STK24: variants seen among roughly 807,000 people sequenced by gnomAD.
The protein encoded by STK24 is serine/threonine-protein kinase 24.
A neutral mutation model predicts 55.6 loss-of-function variants in STK24; 21 were observed. The ratio of observed to expected loss-of-function variants is 0.38; its 90% CI spans 0.27 to 0.54. The LOEUF (loss-of-function observed/expected upper bound fraction) is 0.54. STK24 is among the 20% of genes least tolerant of loss of function. The pLI, the probability that STK24 is intolerant of heterozygous loss-of-function variation, is 0.79. For synonymous variants in STK24, 200 were observed against 215.2 expected (o/e 0.93, Z 0.62); for missense variants, 383 against 538.4 (o/e 0.71, Z 2.86).
intron 1 of STK24, among the ~76,000 whole-genome samples, chr13:98,566,619 G>A (rs906838566): frequency 5.9e-5 from 9 of 152,182 alleles, no homozygotes; most frequent in Admixed American, 1.3e-4. Context: ...GTCCCCTTCC[G>A]ACAAGGCTTC....
chr13:98,501,009 T>C (rs1186991627), intron 2 of STK24, among the ~76,000 whole-genome samples: 1 of 55,942 alleles, frequency 1.8e-5, no homozygotes, highest in African/African-American at 7.6e-5. Flanking sequence ...TTCAAGTTAC[T>C]GTTTAAAACT....
intron 2 of STK24, among the ~76,000 whole-genome samples, chr13:98,503,467 GTTCA>G (rs1308323458): frequency 2.6e-5 from 4 of 152,240 alleles, no homozygotes; most frequent in Admixed American, 6.5e-5. Context: ...GCAAGTGAAA[GTTCA>G]TTGTTTATAT....
chr13:98,446,422 G>T lies in STK24; in HGVS notation c.*6751C>A. 1 of 602,132 alleles carries T rather than the reference G, an allele frequency of 1.7e-6. No individual in the cohort carries two copies. Among genetic ancestry groups the T allele is most frequent in the South Asian group, 2.0e-5 (1 of 49,732 alleles). The allele number at this position is 602,132 out of a possible 1,614,324, so 37.3% of individuals were successfully genotyped here. On this transcript the variant is annotated 3_prime_UTR_variant, in exon 11 of 11. Coordinates refer to ENST00000539966, the MANE Select transcript of STK24 (RefSeq NM_001032296.4). Reference sequence around the variant, plus strand: ...GAAGGACAACTTCTGCCCTAGGAAGGGCCACCTGTCTTCTGCCTGGACAAG... The same window carrying T: ...GAAGGACAACTTCTGCCCTAGGAAGTGCCACCTGTCTTCTGCCTGGACAAG...
chr13:98,466,821 G>A lies in STK24; in HGVS notation c.598-260C>T, dbSNP rs544081476. 9.9e-5 allele frequency among the ~76,000 whole-genome samples: 15 copies of A among 152,270 alleles called. 1 individual carries two copies. The South Asian group carries it at 2.7e-3, about 27-fold the overall frequency. ...ACTACGCCTCCTGCTGGATGCATTC[G>A]GCATTCCCCGTGGAGTCCCGGGGGC... On this transcript the variant is annotated intron_variant, in intron 5 of 10. Coordinates refer to ENST00000539966, the MANE Select transcript of STK24 (RefSeq NM_001032296.4).
intron 1 of STK24, among the ~76,000 whole-genome samples, chr13:98,559,714 T>C (rs1222796807): frequency 6.6e-6 from 1 of 152,158 alleles, no homozygotes; most frequent in Non-Finnish European, 1.5e-5. Context: ...TTTCCATTTC[T>C]CACAAAAGTT....
chr13:98,527,090 T>C (rs1192999673), intron 1 of STK24, among the ~76,000 whole-genome samples: 3 of 152,212 alleles, frequency 2.0e-5, no homozygotes, highest in Non-Finnish European at 4.4e-5. Context: ...TTGGAGTTTA[T>C]TTCCATTTTG....
intron 2 of STK24, among the ~76,000 whole-genome samples, chr13:98,511,721 C>T (rs1363834045): frequency 2.0e-5 from 3 of 152,138 alleles, no homozygotes; most frequent in Admixed American, 1.3e-4. Context: ...ATTCCATCTA[C>T]GGTGCTCCGG....
chr13:98,471,629 A>T (rs1406757970), intron 5 of STK24, among the ~76,000 whole-genome samples: 1 of 152,208 alleles, frequency 6.6e-6, no homozygotes, highest in East Asian at 1.9e-4. Flanking sequence ...TTCTCTTTGT[A>T]TGCAAAGACA....
At position 98,475,346 on chromosome 13, in the gene STK24, G is replaced by C; in HGVS notation, c.343C>G (p.Pro115Ala). 6.2e-7 allele frequency: 1 copy of C among 1,605,334 alleles called. No individual in the cohort carries two copies. The highest frequency in any genetic ancestry group is 1.1e-5 in the South Asian group (1 of 88,650). Residue 115 changes from proline to alanine, a missense_variant, in exon 4 of 11, where the codon CCA (proline) becomes GCA (alanine). By Grantham distance (27) the Pro-to-Ala change is conservative. Transcript: ENST00000539966. Reference protein sequence around the residue: ...GSALDLLEPGPLDETQIATIL... With the variant: ...GSALDLLEPGALDETQIATIL... ...GTAGCGATCTGGGTTTCATCTAATG[G>C]GCCAGGTTCTAACTAAGAAGAGAAA...
chr13:98,486,135 C>T (rs1392399110), intron 2 of STK24, among the ~76,000 whole-genome samples: 1 of 151,686 alleles, frequency 6.6e-6, no homozygotes, highest in East Asian at 1.9e-4. Context: ...CGGCAAACCA[C>T]CATGGCACAT....
intron 2 of STK24, among the ~76,000 whole-genome samples, chr13:98,515,114 AAAAG>A (rs1350966704): frequency 1.3e-5 from 2 of 152,126 alleles, no homozygotes; most frequent in African/African-American, 4.8e-5. Flanking sequence ...AAAAAAAAAA[AAAAG>A]ATTTGTAAGT....
intron 1 of STK24, among the ~76,000 whole-genome samples, chr13:98,527,465 C>T (rs1896464069): frequency 6.6e-6 from 1 of 152,196 alleles, no homozygotes; most frequent in South Asian, 2.1e-4. Context: ...CGCGGGCCAC[C>T]AGTGAGGACG....
intron 1 of STK24, among the ~76,000 whole-genome samples, chr13:98,543,547 G>C (rs1896948110): frequency 6.6e-6 from 1 of 152,216 alleles, no homozygotes; most frequent in African/African-American, 2.4e-5. Flanking sequence ...GAAGCAGCAG[G>C]TGAGGCCAGG....
In STK24 at chr13:98,451,748, CA is replaced by C. The variant is rs1893203922; in HGVS notation, c.*1424del. The C allele has an allele frequency of 2.0e-5, 3 of 152,334 alleles. No homozygotes were observed. In the South Asian group the frequency reaches 6.2e-4, roughly 32 times the overall value. The allele number at this position is 152,334 out of a possible 1,614,324, so 9.4% of individuals were successfully genotyped here. A position where few individuals can be genotyped will look rare whatever the true frequency, so the allele number is the denominator to read the frequency against. On this transcript the variant is annotated 3_prime_UTR_variant, in exon 11 of 11. Coordinates refer to ENST00000539966, the MANE Select transcript of STK24 (RefSeq NM_001032296.4). The stretch of plus-strand genomic sequence containing the variant: ...CTTCAACAAACATAAAAGAATGCTT[CA>C]TGTACCAGTCAACAGCTGCTGCACG...
rs762711667 is a variant in STK24 at position 98,511,227 on chromosome 13, C to T, written c.273+8016G>A. Among the ~76,000 whole-genome samples, 48 of 152,270 alleles carry T rather than the reference C, an allele frequency of 3.2e-4. No individual in the cohort carries two copies. In the Middle Eastern group the frequency reaches 0.01, roughly 32 times the overall value. On this transcript the variant is annotated intron_variant, in intron 2 of 10. Transcript: ENST00000539966. ...CCTACTCCAAACTCTAGAGTACTGACGGGAAATAGTAAGCGTCTTAGGACA... is the reference window on the plus strand; with the variant it reads ...CCTACTCCAAACTCTAGAGTACTGATGGGAAATAGTAAGCGTCTTAGGACA...
intron 2 of STK24, among the ~76,000 whole-genome samples, chr13:98,495,102 G>A (rs1475050941): frequency 1.3e-5 from 2 of 152,222 alleles, no homozygotes; most frequent in Admixed American, 1.3e-4. Flanking sequence ...GTTACTACCA[G>A]ACAAGATTCA....
At chr13:98,544,348 G>T (rs938233658) in intron 1 of STK24, among the ~76,000 whole-genome samples, 25 of 152,230 alleles carry the variant, frequency 1.6e-4, no homozygotes, top group African/African-American at 5.8e-4. Flanking sequence ...GCCCACGAGG[G>T]CATCTCCACT....
At chr13:98,576,337 G>T in intron 1 of STK24, 2 of 570,010 alleles carry the variant, frequency 3.5e-6, no homozygotes, top group Non-Finnish European at 4.5e-6. Flanking sequence ...GCGTCCTGGG[G>T]CCCTCCGCCA....
At chr13:98,504,775 G>A (rs1895626187) in intron 2 of STK24, among the ~76,000 whole-genome samples, 1 of 152,180 alleles carries the variant, frequency 6.6e-6, no homozygotes, top group Admixed American at 6.5e-5. Flanking sequence ...TGAGGTCGCT[G>A]ATCCCTACCC....
Sources: gnomAD v4.1 joint callset for allele counts (sites outside exome capture counted in the v4.1 genomes callset) on GRCh38, gnomAD v4.1.1 for gene constraint, MANE v1.5 for transcripts, NCBI Gene and HGNC (gene_info 2026-07-23, HGNC 2026-07-21) for gene names.